The following HTR4 variants were observed in gnomAD, a reference collection of about 807,000 sequenced individuals.
HTR4 encodes the protein 5-hydroxytryptamine (serotonin) receptor 4, G protein-coupled.
HTR4 carries 16 observed loss-of-function variants against 36.8 expected under a neutral mutation model. The observed-to-expected ratio is 0.43, with a 90% CI of 0.29 to 0.66. The LOEUF (loss-of-function observed/expected upper bound fraction) is 0.66, where lower values mean the gene tolerates loss of function less well. Ranked by LOEUF, HTR4 falls within the 30% of genes least tolerant of loss-of-function variation. HTR4 has a pLI of 0.13. For synonymous variants in HTR4, 189 were observed against 185.1 expected, an observed-to-expected ratio of 1.02 and a Z score of -0.17; for missense variants, 438 against 490.9, an observed-to-expected ratio of 0.89 and a Z score of 1.02.
At chr5:148,532,410 T>G (rs1427780698) in intron 4 of HTR4, among the ~76,000 whole-genome samples, 1 of 152,242 alleles carries the variant, frequency 6.6e-6, no homozygotes, top group Non-Finnish European at 1.5e-5. Context: ...TTGTGGATAC[T>G]GACAAACTGG....
At chr5:148,527,003 T>C (rs907252379) in intron 4 of HTR4, among the ~76,000 whole-genome samples, 6 of 152,160 alleles carry the variant, frequency 3.9e-5, no homozygotes, top group Non-Finnish European at 8.8e-5. Context: ...TTATTGTATC[T>C]TTCAAAATAG....
intron 5 of HTR4, among the ~76,000 whole-genome samples, chr5:148,452,031 A>G (rs1754985638): frequency 6.6e-6 from 1 of 152,196 alleles, no homozygotes; most frequent in Non-Finnish European, 1.5e-5. Flanking sequence ...TTTCAGTGAG[A>G]CAAACAAACA....
chr5:148,526,884 T>C (rs1758302405), intron 4 of HTR4, among the ~76,000 whole-genome samples: 2 of 151,926 alleles, frequency 1.3e-5, no homozygotes, highest in Non-Finnish European at 2.9e-5. Context: ...GGGTAGTATG[T>C]AGGGGGAGTA....
intron 2 of HTR4, among the ~76,000 whole-genome samples, chr5:148,587,661 T>G (rs1027701535): frequency 2.0e-5 from 3 of 152,164 alleles, no homozygotes; most frequent in Non-Finnish European, 2.9e-5. Flanking sequence ...TCTGTCACTT[T>G]ATATAACTAA....
At chr5:148,582,165 T>C (rs1416578057) in intron 2 of HTR4, among the ~76,000 whole-genome samples, 3 of 152,098 alleles carry the variant, frequency 2.0e-5, no homozygotes, top group Non-Finnish European at 2.9e-5. Context: ...CTCACTTTCG[T>C]GTGTTGGTTT....
intron 2 of HTR4, among the ~76,000 whole-genome samples, chr5:148,619,300 T>C (rs549818810): frequency 6.6e-6 from 1 of 152,242 alleles, no homozygotes; most frequent in South Asian, 2.1e-4. Flanking sequence ...TCTATGAAGT[T>C]CTAATGAACT....
intron 4 of HTR4, among the ~76,000 whole-genome samples, chr5:148,523,609 A>G (rs1271497055): frequency 6.6e-6 from 1 of 152,108 alleles, no homozygotes; most frequent in Non-Finnish European, 1.5e-5. Flanking sequence ...GAGGAAAGGA[A>G]AAGTGATTAT....
chr5:148,501,314 T>A (rs1237463942), intron 6 of HTR4, among the ~76,000 whole-genome samples: 10 of 152,210 alleles, frequency 6.6e-5, no homozygotes, highest in Admixed American at 3.9e-4. Flanking sequence ...TCTATGGTTT[T>A]TATGAATGTC....
At chr5:148,627,820 A>G (rs1443553051) in intron 2 of HTR4, among the ~76,000 whole-genome samples, 2 of 152,246 alleles carry the variant, frequency 1.3e-5, no homozygotes, top group Non-Finnish European at 2.9e-5. Context: ...CTAAATGGTA[A>G]TAAAACAGAA....
intron 4 of HTR4, among the ~76,000 whole-genome samples, chr5:148,535,297 A>G (rs1342706946): frequency 2.0e-5 from 3 of 152,242 alleles, no homozygotes; most frequent in Middle Eastern, 3.2e-3. Flanking sequence ...AACCAATGCA[A>G]AAACTCTGGT....
Position 148,487,270 on chromosome 5 carries a change from T to A in HTR4, c.1077-3977A>T, listed in dbSNP as rs1222714836. Among the ~76,000 whole-genome samples the A allele has an allele frequency of 2.0e-5, 3 of 152,184 alleles. No homozygotes were observed. In the East Asian group the frequency reaches 5.8e-4, roughly 29 times the overall value. On this transcript the variant is annotated intron_variant, in intron 6 of 6. Transcript: ENST00000377888. Reference sequence around the variant, plus strand: ...GTATTCTGCCCTCCAAATCAAGAATTCTGCCCATTTGGAAACATGGAAATC... The same window carrying A: ...GTATTCTGCCCTCCAAATCAAGAATACTGCCCATTTGGAAACATGGAAATC...
At chr5:148,500,420 G>A (rs1251903895) in intron 6 of HTR4, among the ~76,000 whole-genome samples, 1 of 151,982 alleles carries the variant, frequency 6.6e-6, no homozygotes, top group Non-Finnish European at 1.5e-5. Context: ...AGTTGCTGGT[G>A]AGTTAGCAAG....
chr5:148,503,811 C>A (rs548959344), intron 6 of HTR4, among the ~76,000 whole-genome samples: 449 of 151,786 alleles, frequency 3.0e-3, no homozygotes, highest in Non-Finnish European at 4.7e-3. Flanking sequence ...TACCAAGCAA[C>A]TGGAAAACAA....
intron 4 of HTR4, among the ~76,000 whole-genome samples, chr5:148,540,130 A>G (rs564035324): frequency 6.6e-6 from 1 of 152,170 alleles, no homozygotes; most frequent in South Asian, 2.1e-4. Context: ...GGAGAAAACC[A>G]AATACTGCAT....
At chr5:148,477,951 T>C (rs1755751437), downstream of HTR4, among the ~76,000 whole-genome samples, 2 of 152,196 alleles carry the variant, frequency 1.3e-5, no homozygotes, top group African/African-American at 4.8e-5. Context: ...AACTACTTCA[T>C]CTAAAACACC....
chr5:148,555,078 T>C (rs1406493417), intron 2 of HTR4, among the ~76,000 whole-genome samples: 1 of 151,860 alleles, frequency 6.6e-6, no homozygotes, highest in Non-Finnish European at 1.5e-5. Flanking sequence ...TAGCATTATA[T>C]AAAAAAAGAA....
At chr5:148,575,280 A>G (rs777390534) in intron 2 of HTR4, among the ~76,000 whole-genome samples, 4 of 151,972 alleles carry the variant, frequency 2.6e-5, no homozygotes, top group Admixed American at 6.6e-5. Context: ...CTGTCCAAAC[A>G]CTGAAGTTGC....
At chr5:148,454,333 A>AT (rs537417387) in intron 5 of HTR4, among the ~76,000 whole-genome samples, 29 of 152,106 alleles carry the variant, frequency 1.9e-4, no homozygotes, top group East Asian at 9.7e-4. Context: ...AGCTAAAATT[A>AT]TTTTTTTTAC....
chr5:148,484,328 A>G (rs754082445), intron 6 of HTR4: 10 of 1,613,596 alleles, frequency 6.2e-6, no homozygotes, highest in Non-Finnish European at 8.5e-6. Context: ...CCGCTCTGGC[A>G]GGCTTTGTCC....
Sources: allele counts gnomAD v4.1 joint callset (sites outside exome capture counted in the v4.1 genomes callset), GRCh38; gene constraint gnomAD v4.1.1; transcripts MANE v1.5; gene names NCBI Gene and HGNC (gene_info 2026-07-23, HGNC 2026-07-21).